The following HIVEP3 variants were observed in gnomAD, a reference collection of about 807,000 sequenced individuals.
HIVEP3 encodes HIVEP zinc finger 3, also known as transcription factor HIVEP3.
A neutral mutation model predicts 152.8 loss-of-function variants in HIVEP3; 49 were observed. The observed-to-expected ratio is 0.32, with a 90% CI of 0.26 to 0.41. The LOEUF (loss-of-function observed/expected upper bound fraction) is 0.41, where lower values mean the gene tolerates loss of function less well. HIVEP3 is among the 10% of genes least tolerant of loss of function. HIVEP3 has a pLI of 1.00. For synonymous variants in HIVEP3, 1,269 were observed against 1,289.0 expected, an observed-to-expected ratio of 0.98 and a Z score of 0.33; for missense variants, 2,790 against 3,103.3, an observed-to-expected ratio of 0.90 and a Z score of 2.40.
intron 1 of HIVEP3, among the ~76,000 whole-genome samples, chr1:42,008,150 T>C (rs1645471680): frequency 6.7e-6 from 1 of 150,168 alleles, no homozygotes; most frequent in Non-Finnish European, 1.5e-5. Flanking sequence ...TATGATGGAA[T>C]GTACAGAACC....
intron 1 of HIVEP3, among the ~76,000 whole-genome samples, chr1:41,899,075 C>G (rs934887316): frequency 6.6e-6 from 1 of 152,192 alleles, no homozygotes; most frequent in Non-Finnish European, 1.5e-5. Context: ...GGAAAGAAAA[C>G]AAAACTGTTA....
intron 1 of HIVEP3, among the ~76,000 whole-genome samples, chr1:41,881,911 T>C (rs1644267751): frequency 6.6e-6 from 1 of 151,962 alleles, no homozygotes; most frequent in Non-Finnish European, 1.5e-5. Flanking sequence ...TGTAAGAGAG[T>C]TGATGAGAAA....
At chr1:41,564,745 T>C (rs1644134525) in intron 5 of HIVEP3, among the ~76,000 whole-genome samples, 2 of 152,212 alleles carry the variant, frequency 1.3e-5, no homozygotes, top group Non-Finnish European at 2.9e-5. Flanking sequence ...TCAAAGTATT[T>C]CCCTCTCATG....
At chr1:41,815,783 T>G (rs973346893) in intron 1 of HIVEP3, among the ~76,000 whole-genome samples, 22 of 152,020 alleles carry the variant, frequency 1.4e-4, no homozygotes, top group African/African-American at 5.3e-4. Flanking sequence ...TGTTGTTGTT[T>G]TTTGAGACAG....
In HIVEP3 at chr1:41,583,308, A is replaced by C; in HGVS notation, c.1490T>G (p.Met497Arg). 1 of 1,611,890 alleles carries C rather than the reference A, an allele frequency of 6.2e-7. No individual in the cohort carries two copies. The highest frequency in any genetic ancestry group is 8.5e-7 in the Non-Finnish European group (1 of 1,179,062). The change falls in exon 4 of 9, where the codon ATG becomes AGG. Residue 497 changes from methionine (M) to arginine (R), a missense_variant. Around this residue, in one of 9 missense-constraint regions of HIVEP3, gnomAD observed 134 missense variants for 242.5 expected, o/e 0.55. Transcript: ENST00000372583. This position sits in a 1 kb window ranked among gnomAD's most constrained non-coding sequence, Gnocchi z 6.9. ...GTAGAGGCTGGATTTTGGGGACTCC[A>C]TGCTGCTGCGCCTGGACAGTGAGCT... ...RRSSLSRRSSMESPKSSLYRE... is the reference protein window; with the variant it reads ...RRSSLSRRSSRESPKSSLYRE...
intron 1 of HIVEP3, among the ~76,000 whole-genome samples, chr1:41,985,756 G>A (rs1287865989): frequency 6.6e-6 from 1 of 152,164 alleles, no homozygotes; most frequent in Non-Finnish European, 1.5e-5. Context: ...GAAATGCCCA[G>A]TACTATCCCA....
chr1:41,723,716 A>G (rs971954550), intron 1 of HIVEP3, among the ~76,000 whole-genome samples: 5 of 152,258 alleles, frequency 3.3e-5, no homozygotes, highest in Non-Finnish European at 7.3e-5. Flanking sequence ...GAATGAGATA[A>G]TGATAAGTAA....
At chr1:41,567,830 G>A (rs993667213) in intron 5 of HIVEP3, among the ~76,000 whole-genome samples, 6 of 152,218 alleles carry the variant, frequency 3.9e-5, no homozygotes, top group Non-Finnish European at 4.4e-5. Context: ...CCCCATAACA[G>A]AGGCCATCTG....
At chr1:41,897,342 T>C (rs1054402706) in intron 1 of HIVEP3, among the ~76,000 whole-genome samples, 2 of 152,174 alleles carry the variant, frequency 1.3e-5, no homozygotes, top group Admixed American at 6.5e-5. Flanking sequence ...AAAATTCTTA[T>C]GTTGGAACCT....
chr1:42,006,297 C>A (rs1645458973), intron 1 of HIVEP3, among the ~76,000 whole-genome samples: 1 of 151,920 alleles, frequency 6.6e-6, no homozygotes, highest in Non-Finnish European at 1.5e-5. Flanking sequence ...CGAGAGGAAC[C>A]AATGAAATAA....
chr1:41,752,438 G>A (rs115476988), intron 1 of HIVEP3, among the ~76,000 whole-genome samples: 3,021 of 152,282 alleles, frequency 0.02, 89 homozygotes, highest in African/African-American at 0.067. Flanking sequence ...GGAAGACTGC[G>A]GCTCTGACTG....
chr1:41,796,319 A>C (rs906305320), intron 1 of HIVEP3, among the ~76,000 whole-genome samples: 2 of 152,264 alleles, frequency 1.3e-5, no homozygotes, highest in African/African-American at 4.8e-5. Context: ...TGCCGGGACC[A>C]CACGACAGCC....
intron 1 of HIVEP3, among the ~76,000 whole-genome samples, chr1:41,967,259 CAT>C (rs1301768154): frequency 6.6e-6 from 1 of 152,224 alleles, no homozygotes; most frequent in South Asian, 2.1e-4. Context: ...CTTATCCCCA[CAT>C]GTCACTTACT....
At chr1:41,886,712 C>CAAAAAAAAAAA (rs71062602) in intron 1 of HIVEP3, among the ~76,000 whole-genome samples, 4 of 87,788 alleles carry the variant, frequency 4.6e-5, no homozygotes, top group East Asian at 7.0e-4. Flanking sequence ...AACTCCATTT[C>CAAAAAAAAAAA]AAAAAAAAAA....
At chr1:41,620,023 G>T (rs948141870) in intron 3 of HIVEP3, among the ~76,000 whole-genome samples, 2 of 152,180 alleles carry the variant, frequency 1.3e-5, no homozygotes, top group East Asian at 3.9e-4. Context: ...GGGGGCTGCA[G>T]CTGAGTTCCT....
At position 41,770,691 on chromosome 1, in the gene HIVEP3, C is replaced by T. The variant is rs572633857; in HGVS notation, c.-800-69696G>A. ...AGGAATGAACATTCTATAGTATGCC[C>T]GATCAGTATGTTCCAAAAGTGTCAA... On this transcript the variant is annotated intron_variant, in intron 1 of 8. Coordinates refer to ENST00000372583, the MANE Select transcript of HIVEP3 (RefSeq NM_024503.5). Among the ~76,000 whole-genome samples, 245 of 152,116 alleles carry T rather than the reference C, an allele frequency of 1.6e-3. 1 individual carries two copies. The highest frequency in any genetic ancestry group is 6.8e-3 in the Middle Eastern group (2 of 294).
At chr1:41,634,497 G>T (rs183466162) in intron 2 of HIVEP3, among the ~76,000 whole-genome samples, 1 of 151,750 alleles carries the variant, frequency 6.6e-6, no homozygotes, top group African/African-American at 2.4e-5. Flanking sequence ...ATAAACAAAA[G>T]ACATAAAATA....
intron 3 of HIVEP3, among the ~76,000 whole-genome samples, chr1:41,613,867 T>C (rs34047384): frequency 0.093 from 14,121 of 152,282 alleles, 693 homozygotes; most frequent in Middle Eastern, 0.17. Context: ...TCCATCTCTA[T>C]AAATTTGCCT....
chr1:41,579,588 A>C, intron 4 of HIVEP3, 149 bp downstream of exon 4: 1 of 792,638 alleles, frequency 1.3e-6, no homozygotes, highest in Non-Finnish European at 2.0e-6. Context: ...GTTTCCTTGT[A>C]AGGTGACCAG....
Sources: gnomAD v4.1 joint callset for allele counts (sites outside exome capture counted in the v4.1 genomes callset) on GRCh38, gnomAD v4.1.1 for gene constraint, gnomAD v4.1.1 regional missense constraint, Gnocchi (gnomAD v3.1) non-coding constraint, MANE v1.5 for transcripts, NCBI Gene and HGNC (gene_info 2026-07-23, HGNC 2026-07-21) for gene names.